SCUBE2: variants seen among roughly 807,000 people sequenced by gnomAD.
SCUBE2 encodes the protein signal peptide, CUB and EGF-like domain-containing protein 2.
Under a neutral mutation model 125.9 loss-of-function variants are expected in SCUBE2, and 114 were observed. The ratio of observed to expected loss-of-function variants is 0.91; its 90% CI spans 0.78 to 1.06. The LOEUF (loss-of-function observed/expected upper bound fraction) is 1.06. Among genes scored for constraint, SCUBE2 ranks in the 50% least tolerant of loss-of-function variants. SCUBE2 has a pLI of 0.00. For missense variants in SCUBE2, 1,255 were observed against 1,301.8 expected (o/e 0.96, Z 0.55); for synonymous variants, 459 against 492.9 (o/e 0.93, Z 0.91).
At chr11:9,034,295 G>C (rs1266594519) in intron 16 of SCUBE2, among the ~76,000 whole-genome samples, 6 of 152,284 alleles carry the variant, frequency 3.9e-5, no homozygotes, top group African/African-American at 1.2e-4. Flanking sequence ...TTCGCAGTTG[G>C]GAAAGGGGGC....
At chr11:9,022,032 G>T (rs1855339707) in intron 21 of SCUBE2, 77 bp from the exon 22 acceptor site, 2 of 1,118,958 alleles carry the variant, frequency 1.8e-6, no homozygotes, top group Admixed American at 1.8e-5. Flanking sequence ...TTTTGATAAG[G>T]TTCTGAGAAA....
intron 4 of SCUBE2, among the ~76,000 whole-genome samples, chr11:9,073,592 C>A (rs1860986528): frequency 6.6e-6 from 1 of 152,062 alleles, no homozygotes; most frequent in African/African-American, 2.4e-5. Context: ...TTAAAATGAC[C>A]TCATTCTTAA....
At chr11:9,033,335 G>C (rs1287462542) in intron 17 of SCUBE2, among the ~76,000 whole-genome samples, 1 of 152,108 alleles carries the variant, frequency 6.6e-6, no homozygotes, top group African/African-American at 2.4e-5. Flanking sequence ...AAATCACTCA[G>C]GTTTCAGGTG....
chr11:9,058,706 A>G (rs937777474), intron 9 of SCUBE2, among the ~76,000 whole-genome samples: 1 of 150,752 alleles, frequency 6.6e-6, no homozygotes, highest in Non-Finnish European at 1.5e-5. Context: ...GAGAATTGCT[A>G]GAACCCAGGA....
intron 10 of SCUBE2, among the ~76,000 whole-genome samples, chr11:9,054,829 G>A (rs987757218): frequency 4.4e-5 from 6 of 137,664 alleles, no homozygotes; most frequent in East Asian, 2.5e-4. Flanking sequence ...TCCACCTCCC[G>A]GGTTCAAGCA....
intron 16 of SCUBE2, among the ~76,000 whole-genome samples, chr11:9,043,146 T>G (rs1219504907): frequency 2.6e-5 from 4 of 152,202 alleles, no homozygotes; most frequent in African/African-American, 9.7e-5. Context: ...GTTCCTAGTC[T>G]CTCAAGAACC....
chr11:9,064,192 C>A (rs1859969718), intron 7 of SCUBE2, among the ~76,000 whole-genome samples: 1 of 152,110 alleles, frequency 6.6e-6, no homozygotes, highest in Admixed American at 6.5e-5. Flanking sequence ...TAGGGCCAGG[C>A]ATGAAGGCTC....
intron 6 of SCUBE2, 111 bp downstream of exon 6, chr11:9,066,586 G>T: frequency 1.2e-6 from 1 of 869,086 alleles, no homozygotes; most frequent in Non-Finnish European, 1.9e-6. Context: ...CCTGCTGGGG[G>T]GGCAAATGCA....
At chr11:9,069,327 A>G in intron 5 of SCUBE2, 43 bp downstream of exon 5, 1 of 1,610,618 alleles carries the variant, frequency 6.2e-7, no homozygotes, top group Non-Finnish European at 8.5e-7. Flanking sequence ...AGCCTGTGGA[A>G]TACGACGGTT....
At chr11:9,044,165 G>A (rs1248511067) in intron 16 of SCUBE2, among the ~76,000 whole-genome samples, 1 of 152,214 alleles carries the variant, frequency 6.6e-6, no homozygotes, top group African/African-American at 2.4e-5. Context: ...TAAAAGAAAT[G>A]AGGTTGCTCC....
intron 9 of SCUBE2, among the ~76,000 whole-genome samples, chr11:9,056,873 T>C (rs1259374317): frequency 6.6e-6 from 1 of 152,042 alleles, no homozygotes; most frequent in Admixed American, 6.5e-5. Flanking sequence ...GAGTGTGCCA[T>C]GAGAAACTAT....
At chr11:9,027,627 T>C in intron 19 of SCUBE2, 66 bp from the exon 20 acceptor site, 1 of 1,429,990 alleles carries the variant, frequency 7.0e-7, no homozygotes, top group Non-Finnish European at 9.6e-7. Context: ...ACCGCTAGCT[T>C]GCCGAGCCCC....
At chr11:9,047,591 G>T in intron 15 of SCUBE2, 29 bp from the exon 16 acceptor site, 1 of 1,605,566 alleles carries the variant, frequency 6.2e-7, no homozygotes, top group Admixed American at 1.7e-5. Context: ...CAGCAGTGCG[G>T]GAGGAGATCA....
rs768586615 is a variant in SCUBE2, at chr11:9,047,563, C to T, written c.1796-1G>A. 3 of 1,613,866 alleles carry T rather than the reference C, an allele frequency of 1.9e-6. No individual in the cohort carries two copies. Among genetic ancestry groups the T allele is most frequent in the Non-Finnish European group, 2.5e-6 (3 of 1,179,940 alleles). ...ACGATGCAGCTCAGGTCACAAGAAG[C>T]TACAGAAACAAGAGGGACAGCAGTG... On this transcript the variant is annotated splice_acceptor_variant, in intron 15 of 22. Transcript: ENST00000649792. LOFTEE classifies it high-confidence loss of function.
intron 15 of SCUBE2, 83 bp from the exon 16 acceptor site, chr11:9,047,645 C>T: frequency 1.5e-6 from 2 of 1,364,640 alleles, no homozygotes; most frequent in Non-Finnish European, 2.1e-6. Flanking sequence ...CAGGCCCTAC[C>T]AACACCCCGA....
At position 9,091,458 on chromosome 11, in the gene SCUBE2, G is replaced by GGCGGCAGCAGCAGCA; in HGVS notation, c.56_70dup (p.Leu19_Pro23dup). The stretch of plus-strand genomic sequence containing the variant: ...GACGGCCCCCGCCAGCAGCAGCAGT[G>GGCGGCAGCAGCAGCA]GCGGCAGCAGCAGCAGCAGCAGCAG... On this transcript the variant is annotated inframe_insertion, in exon 1 of 23. Coordinates refer to ENST00000649792, the MANE Select transcript of SCUBE2 (RefSeq NM_001367977.2). The surrounding 1 kb of genome is among the most constrained non-coding windows in gnomAD (Gnocchi z 8.5). The GGCGGCAGCAGCAGCA allele has an allele frequency of 7.8e-7, 1 of 1,284,386 alleles. No individual in the cohort carries two copies. Among genetic ancestry groups the GGCGGCAGCAGCAGCA allele is most frequent in the South Asian group, 1.9e-5 (1 of 52,398 alleles). 79.6% of individuals were successfully genotyped at this position (1,284,386 alleles called of 1,614,324 possible). A position where few individuals can be genotyped will look rare whatever the true frequency, so the allele number is the denominator to read the frequency against.
Position 9,079,456 on chromosome 11 carries a change from T to C in SCUBE2, c.310A>G (p.Asn104Asp). The C allele has an allele frequency of 6.2e-7, 1 of 1,614,120 alleles. No individual in the cohort carries two copies. The highest frequency in any genetic ancestry group is 8.5e-7 in the Non-Finnish European group (1 of 1,179,994). Residue 104 changes from asparagine (N) to aspartate (D), a missense_variant, in exon 3 of 23, where the codon AAT (asparagine) becomes GAT (aspartate). Coordinates refer to ENST00000649792, the MANE Select transcript of SCUBE2 (RefSeq NM_001367977.2). ...GTGCAACGATAATTGCCTGGAATAT[T>C]CAAACAGTCATGGACACAGCCTCCA... ...LNGGCVHDCL[N>D]IPGNYRCTCF...
Position 9,020,187 on chromosome 11 carries a change from G to C in SCUBE2, c.*858C>G, listed in dbSNP as rs1420432010. On this transcript the variant is annotated 3_prime_UTR_variant, in exon 23 of 23. Transcript: ENST00000649792. The stretch of plus-strand genomic sequence containing the variant: ...AGAACCCTTGGCAATACCGACTCAG[G>C]GTTGGTGAAATCGCCTTTTCATGAC... Among the ~76,000 whole-genome samples, 1 of 152,132 alleles carries C rather than the reference G, an allele frequency of 6.6e-6. No homozygotes were observed. The highest frequency in any genetic ancestry group is 6.5e-5 in the Admixed American group (1 of 15,276).
At chr11:9,045,123 G>T (rs1857577760) in intron 16 of SCUBE2, among the ~76,000 whole-genome samples, 1 of 152,060 alleles carries the variant, frequency 6.6e-6, no homozygotes, top group Non-Finnish European at 1.5e-5. Context: ...TTTCTTTATT[G>T]CTGGATTCCT....
Sources: gnomAD v4.1 joint callset for allele counts (sites outside exome capture counted in the v4.1 genomes callset) on GRCh38, gnomAD v4.1.1 for gene constraint, Gnocchi (gnomAD v3.1) non-coding constraint, MANE v1.5 for transcripts, NCBI Gene and HGNC (gene_info 2026-07-23, HGNC 2026-07-21) for gene names.